The following BMP6 variants were observed in gnomAD, a reference collection of about 807,000 sequenced individuals.
The protein encoded by BMP6 is VG-1-R.
In BMP6, 17 loss-of-function variants were observed where a neutral mutation model predicts 54.1. The observed-to-expected ratio is 0.31, with a 90% confidence interval of 0.22 to 0.47. The LOEUF (loss-of-function observed/expected upper bound fraction) is 0.47, where lower values mean the gene tolerates loss of function less well. Among genes scored for constraint, BMP6 ranks in the 20% least tolerant of loss-of-function variants. BMP6 has a pLI of 1.00. For synonymous variants in BMP6, 328 were observed against 291.2 expected, an observed-to-expected ratio of 1.13 and a Z score of -1.28; for missense variants, 720 against 690.4, an observed-to-expected ratio of 1.04 and a Z score of -0.48.
Position 7,861,613 on chromosome 6 carries a change from C to G in BMP6, c.1006+14C>G, listed in dbSNP as rs776305412. On this transcript the variant is annotated intron_variant, in intron 3 of 6. Coordinates refer to ENST00000283147, the MANE Select transcript of BMP6 (RefSeq NM_001718.6). ...TGACAAGGGATGGTAAGTTATTATC[C>G]GCAAGCCTCCAACGTCCAGCAAGTC... 18 of 1,613,296 alleles carry G rather than the reference C, an allele frequency of 1.1e-5. No homozygotes were observed. Among genetic ancestry groups the G allele is most frequent in the Admixed American group, 5.0e-5 (3 of 59,952 alleles).
chr6:7,849,107 G>T (rs1311905260), intron 2 of BMP6, among the ~76,000 whole-genome samples: 2 of 152,182 alleles, frequency 1.3e-5, no homozygotes, highest in Non-Finnish European at 2.9e-5. Flanking sequence ...CGAAGTACCG[G>T]AAAGAGGTAA....
chr6:7,757,437 TG>T (rs1757535552), intron 1 of BMP6, among the ~76,000 whole-genome samples: 1 of 152,226 alleles, frequency 6.6e-6, no homozygotes, highest in Admixed American at 6.5e-5. Context: ...TCCCTATGCC[TG>T]CTTATGTGTC....
Position 7,851,211 on chromosome 6 carries a change from G to A in BMP6, c.857+5879G>A, listed in dbSNP as rs181581550. On this transcript the variant is annotated intron_variant, in intron 2 of 6. Transcript: ENST00000283147. ...TAAATCTAGAGATCAATTTGGGAAG[G>A]ATTTACATCTCATCGATAATGAGGA... Among the ~76,000 whole-genome samples, 1,083 of 152,308 alleles carry A rather than the reference G, an allele frequency of 7.1e-3. 4 individuals are homozygous for A. The highest frequency in any genetic ancestry group is 0.014 in the Middle Eastern group (4 of 294).
At chr6:7,757,914 G>C (rs942872885) in intron 1 of BMP6, among the ~76,000 whole-genome samples, 27 of 152,114 alleles carry the variant, frequency 1.8e-4, no homozygotes, top group Admixed American at 2.0e-4. Flanking sequence ...CGTAGCTTCA[G>C]TCATAACTGT....
intron 4 of BMP6, among the ~76,000 whole-genome samples, chr6:7,874,783 C>T (rs1759579667): frequency 6.6e-6 from 1 of 150,376 alleles, no homozygotes; most frequent in South Asian, 2.1e-4. Flanking sequence ...ACAAAAAAAT[C>T]CAGACAAGCT....
intron 1 of BMP6, among the ~76,000 whole-genome samples, chr6:7,802,988 C>T (rs1758294193): frequency 6.6e-6 from 1 of 152,184 alleles, no homozygotes; most frequent in East Asian, 1.9e-4. Flanking sequence ...GGTTGCTATA[C>T]AGATGAACCT....
chr6:7,849,190 G>A (rs998241155), intron 2 of BMP6, among the ~76,000 whole-genome samples: 2 of 152,150 alleles, frequency 1.3e-5, no homozygotes, highest in African/African-American at 4.8e-5. Flanking sequence ...GAATGCTTCT[G>A]TTTGAATGGC....
intron 1 of BMP6, among the ~76,000 whole-genome samples, chr6:7,758,758 T>C (rs751813748): frequency 6.6e-6 from 1 of 152,150 alleles, no homozygotes; most frequent in Non-Finnish European, 1.5e-5. Context: ...ATCCAGTCTT[T>C]TCTCTGACCC....
chr6:7,762,982 C>T (rs1252926551), intron 1 of BMP6, among the ~76,000 whole-genome samples: 1 of 152,220 alleles, frequency 6.6e-6, no homozygotes, highest in Non-Finnish European at 1.5e-5. Flanking sequence ...TAGCCACAGC[C>T]CATAAAACAT....
Position 7,798,392 on chromosome 6 carries a change from C to T in BMP6, c.665-46748C>T, listed in dbSNP as rs571921661. The stretch of plus-strand genomic sequence containing the variant: ...ATGGTGAACTGAAGCCAAAAGAGGT[C>T]AAGTCCCTGTTCGCAGTCATGCAGC... On this transcript the variant is annotated intron_variant, in intron 1 of 6. Transcript: ENST00000283147. Among the ~76,000 whole-genome samples, 4 of 152,330 alleles carry T rather than the reference C, an allele frequency of 2.6e-5. No homozygotes were observed. In the South Asian group the frequency reaches 8.3e-4, roughly 32 times the overall value.
intron 4 of BMP6, among the ~76,000 whole-genome samples, chr6:7,876,266 T>A (rs1333075065): frequency 1.3e-5 from 2 of 152,242 alleles, no homozygotes; most frequent in Non-Finnish European, 2.9e-5. Context: ...AATTTTCTTT[T>A]TATCTCTGGA....
At chr6:7,748,997 G>T (rs180785315) in intron 1 of BMP6, among the ~76,000 whole-genome samples, 117 of 152,304 alleles carry the variant, frequency 7.7e-4, no homozygotes, top group Admixed American at 1.5e-3. Context: ...GGAAAGACCT[G>T]TAGTACCACC....
intron 1 of BMP6, among the ~76,000 whole-genome samples, chr6:7,826,262 G>A (rs780825791): frequency 6.6e-6 from 1 of 152,204 alleles, no homozygotes; most frequent in African/African-American, 2.4e-5. Context: ...TTCTAGTCAA[G>A]TTTCTTCTGC....
At chr6:7,878,703 A>G (rs550967529) in intron 4 of BMP6, among the ~76,000 whole-genome samples, 1 of 152,214 alleles carries the variant, frequency 6.6e-6, no homozygotes, top group Non-Finnish European at 1.5e-5. Flanking sequence ...AATCCTGCCT[A>G]GTAGCGTTGT....
At position 7,861,548 on chromosome 6, in the gene BMP6, G is replaced by T. The variant is rs753332621; in HGVS notation, c.955G>T (p.Val319Leu). The part of the protein sequence containing the change: ...DITATSNLWV[V>L]TPQHNMGLQL... Reference sequence around the variant, plus strand: ...CACGGCCACTAGCAATCTGTGGGTTGTGACTCCACAGCATAACATGGGGCT... The same window carrying T: ...CACGGCCACTAGCAATCTGTGGGTTTTGACTCCACAGCATAACATGGGGCT... Residue 319 changes from valine to leucine, a missense_variant, in exon 3 of 7, where the codon GTG becomes TTG. Coordinates refer to ENST00000283147, the MANE Select transcript of BMP6 (RefSeq NM_001718.6). 2.8e-5 allele frequency: 46 copies of T among 1,614,092 alleles called. No individual in the cohort carries two copies. The highest frequency in any genetic ancestry group is 3.8e-5 in the Non-Finnish European group (45 of 1,180,048).
At chr6:7,834,391 C>G (rs1015214314) in intron 1 of BMP6, among the ~76,000 whole-genome samples, 1 of 151,238 alleles carries the variant, frequency 6.6e-6, no homozygotes, top group Non-Finnish European at 1.5e-5. Flanking sequence ...AGAACAGGCA[C>G]CAAGTTAGAA....
intron 1 of BMP6, among the ~76,000 whole-genome samples, chr6:7,803,319 G>C (rs1015077283): frequency 3.3e-5 from 5 of 152,016 alleles, no homozygotes; most frequent in African/African-American, 1.2e-4. Context: ...AAAAAGTCTG[G>C]GTTTGGTCCA....
chr6:7,746,646 A>G (rs1757350745), intron 1 of BMP6, among the ~76,000 whole-genome samples: 1 of 152,238 alleles, frequency 6.6e-6, no homozygotes, highest in South Asian at 2.1e-4. Flanking sequence ...CTGAAAGGTT[A>G]CGATTTAAAT....
At chr6:7,847,500 A>G (rs761859257) in intron 2 of BMP6, among the ~76,000 whole-genome samples, 1 of 152,180 alleles carries the variant, frequency 6.6e-6, no homozygotes, top group African/African-American at 2.4e-5. Flanking sequence ...GCTGAAAACA[A>G]TTCTCCAGGC....
Sources: gnomAD v4.1 joint callset for allele counts (sites outside exome capture counted in the v4.1 genomes callset) on GRCh38, gnomAD v4.1.1 for gene constraint, MANE v1.5 for transcripts, NCBI Gene and HGNC (gene_info 2026-07-23, HGNC 2026-07-21) for gene names.